The following AGBL4 variants were observed in gnomAD, a reference collection of about 807,000 sequenced individuals.
AGBL4 encodes AGBL carboxypeptidase 4.
A neutral mutation model predicts 66.4 loss-of-function variants in AGBL4; 58 were observed. The observed-to-expected ratio is 0.87, with a 90% confidence interval of 0.71 to 1.09. The LOEUF (loss-of-function observed/expected upper bound fraction) is 1.09, where lower values mean the gene tolerates loss of function less well. Among genes scored for constraint, AGBL4 ranks in the 50% least tolerant of loss-of-function variants. The pLI, the probability that AGBL4 is intolerant of heterozygous loss-of-function variation, is 0.00. For synonymous variants in AGBL4, 234 were observed against 222.9 expected (o/e 1.05, Z -0.44); for missense variants, 579 against 631.0 (o/e 0.92, Z 0.88).
At chr1:49,151,085 G>A (rs1003335255) in intron 4 of AGBL4, among the ~76,000 whole-genome samples, 5 of 151,866 alleles carry the variant, frequency 3.3e-5, no homozygotes, top group South Asian at 2.1e-4. Context: ...TGGCTAACAC[G>A]GTGAAACCTC....
intron 1 of AGBL4, among the ~76,000 whole-genome samples, chr1:49,981,462 A>G (rs935173367): frequency 1.1e-4 from 17 of 152,104 alleles, no homozygotes; most frequent in Non-Finnish European, 2.2e-4. Flanking sequence ...TAACTAAACA[A>G]CTATGGATTC....
At position 49,161,674 on chromosome 1, in the gene AGBL4, G is replaced by A. The variant is rs191952399; in HGVS notation, c.377+84096C>T. On this transcript the variant is annotated intron_variant, in intron 4 of 13. Coordinates refer to ENST00000371839, the MANE Select transcript of AGBL4 (RefSeq NM_032785.4). ...CCCCTCCTGGCCTTTGTGATTGGCT[G>A]TTCCTTTGGTGGGTCTACTGGCTTT... Among the ~76,000 whole-genome samples the A allele has an allele frequency of 2.0e-5, 3 of 152,298 alleles. No homozygotes were observed. In the East Asian group the frequency reaches 5.8e-4, roughly 29 times the overall value.
At chr1:49,480,234 C>A (rs1646928687) in intron 3 of AGBL4, among the ~76,000 whole-genome samples, 1 of 152,082 alleles carries the variant, frequency 6.6e-6, no homozygotes. Flanking sequence ...AATGGTTAAA[C>A]TAATTTACAC....
At chr1:49,976,659 C>T (rs1408152785) in intron 1 of AGBL4, among the ~76,000 whole-genome samples, 1 of 152,302 alleles carries the variant, frequency 6.6e-6, no homozygotes, top group East Asian at 1.9e-4. Flanking sequence ...ACTTGTGCTA[C>T]AAAATGGCAT....
In AGBL4 at chr1:49,389,341, C is replaced by T. The variant is rs1644800746; in HGVS notation, c.283-143477G>A. On this transcript the variant is annotated intron_variant, in intron 3 of 13. Coordinates refer to ENST00000371839, the MANE Select transcript of AGBL4 (RefSeq NM_032785.4). ...GGAAACAGACCTTAAATCCATCCTA[C>T]ATGTCTCCAAAGCCCTTTGCTCTTC... Among the ~76,000 whole-genome samples the T allele has an allele frequency of 2.6e-5, 4 of 152,232 alleles. No homozygotes were observed. In the South Asian group the frequency reaches 6.2e-4, roughly 24 times the overall value.
At chr1:49,970,829 A>G (rs1658022670) in intron 1 of AGBL4, among the ~76,000 whole-genome samples, 1 of 151,836 alleles carries the variant, frequency 6.6e-6, no homozygotes, top group African/African-American at 2.4e-5. Context: ...ACAGTGAGAT[A>G]TTACCTCAAC....
At chr1:49,407,043 C>T (rs138113023) in intron 3 of AGBL4, among the ~76,000 whole-genome samples, 8 of 117,334 alleles carry the variant, frequency 6.8e-5, no homozygotes, top group Admixed American at 6.2e-4. Context: ...CCAGCCAGGG[C>T]GACAGAGTGA....
At chr1:49,802,188 C>A (rs1644876376) in intron 2 of AGBL4, among the ~76,000 whole-genome samples, 1 of 152,108 alleles carries the variant, frequency 6.6e-6, no homozygotes, top group Non-Finnish European at 1.5e-5. Context: ...AGATTCCTAT[C>A]CCAGAAAAGC....
At chr1:49,615,714 T>C (rs1038016365) in intron 3 of AGBL4, among the ~76,000 whole-genome samples, 1 of 152,076 alleles carries the variant, frequency 6.6e-6, no homozygotes, top group African/African-American at 2.4e-5. Flanking sequence ...CTTGGAGCAT[T>C]TGGGTTCTCT....
intron 4 of AGBL4, among the ~76,000 whole-genome samples, chr1:49,087,761 T>C (rs1412864807): frequency 6.6e-6 from 1 of 152,128 alleles, no homozygotes; most frequent in Non-Finnish European, 1.5e-5. Flanking sequence ...CTATACAAGA[T>C]GACCATCCCC....
chr1:48,623,733 T>C (rs1486802689), intron 9 of AGBL4, among the ~76,000 whole-genome samples: 2 of 152,210 alleles, frequency 1.3e-5, no homozygotes, highest in Admixed American at 6.5e-5. Flanking sequence ...TGCAGCCTGC[T>C]CAGCTGAGTC....
At chr1:48,997,972 C>A (rs1661138541) in intron 5 of AGBL4, among the ~76,000 whole-genome samples, 1 of 152,110 alleles carries the variant, frequency 6.6e-6, no homozygotes, top group Non-Finnish European at 1.5e-5. Context: ...CAGTAAGTTT[C>A]TTTTTAAGAT....
chr1:49,172,582 T>C (rs967906485), intron 4 of AGBL4, among the ~76,000 whole-genome samples: 1 of 152,116 alleles, frequency 6.6e-6, no homozygotes, highest in Non-Finnish European at 1.5e-5. Context: ...GGAAAGGACA[T>C]TGTGAGCAGA....
At position 49,999,073 on chromosome 1, in the gene AGBL4, C is replaced by T. The variant is rs149360502; in HGVS notation, c.34+24690G>A. On this transcript the variant is annotated intron_variant, in intron 1 of 13. Transcript: ENST00000371839. ...TTCTATTCAACATAGTACTGGAAGT[C>T]CTAGCCAGGCCAATCTGACAAGAGA... Among the ~76,000 whole-genome samples, 583 of 152,032 alleles carry T rather than the reference C, an allele frequency of 3.8e-3. 4 individuals are homozygous for T. Among genetic ancestry groups the T allele is most frequent in the African/African-American group, 0.013 (553 of 41,482 alleles).
chr1:48,790,236 C>CCTT (rs1186756016), intron 6 of AGBL4, among the ~76,000 whole-genome samples: 6 of 152,100 alleles, frequency 3.9e-5, no homozygotes, highest in African/African-American at 1.4e-4. Flanking sequence ...ACGAGCAAAG[C>CCTT]CTTCTCTTTG....
At chr1:49,140,568 T>C (rs1423967425) in intron 4 of AGBL4, among the ~76,000 whole-genome samples, 1 of 152,224 alleles carries the variant, frequency 6.6e-6, no homozygotes, top group Non-Finnish European at 1.5e-5. Context: ...CAGAAGAAGA[T>C]ATTTTGTCAT....
At chr1:49,058,999 C>A (rs946254634) in intron 4 of AGBL4, among the ~76,000 whole-genome samples, 1 of 152,042 alleles carries the variant, frequency 6.6e-6, no homozygotes, top group African/African-American at 2.4e-5. Context: ...CCTAATGATG[C>A]AATAAAAAAA....
chr1:48,975,476 T>C (rs982927775), intron 5 of AGBL4, among the ~76,000 whole-genome samples: 4 of 152,146 alleles, frequency 2.6e-5, no homozygotes, highest in Non-Finnish European at 5.9e-5. Context: ...AGAAGATTCC[T>C]ATAGGTAAGA....
At chr1:49,521,009 A>G (rs988583157) in intron 3 of AGBL4, among the ~76,000 whole-genome samples, 3 of 151,904 alleles carry the variant, frequency 2.0e-5, no homozygotes, top group Non-Finnish European at 4.4e-5. Flanking sequence ...GGGTTTCACC[A>G]TGTTGGCCAG....
Sources: allele counts gnomAD v4.1 joint callset (sites outside exome capture counted in the v4.1 genomes callset), GRCh38; gene constraint gnomAD v4.1.1; transcripts MANE v1.5; gene names NCBI Gene and HGNC (gene_info 2026-07-23, HGNC 2026-07-21).